Variants in C10orf67 observed in about 807,000 individuals in gnomAD.
C10orf67 encodes the protein uncharacterized protein C10orf67, mitochondrial.
C10orf67 carries 60 observed loss-of-function variants against 35.6 expected under a neutral mutation model. The ratio of observed to expected loss-of-function variants is 1.68; its 90% CI spans 1.37 to 2.09. The LOEUF (loss-of-function observed/expected upper bound fraction) is 2.09, where lower values mean the gene tolerates loss of function less well. Ranked by LOEUF, C10orf67 falls within the 30% of genes most tolerant of loss-of-function variation. The probability of loss-of-function intolerance (pLI) is 0.00; values close to 1 mark genes in which losing one functional copy is unlikely to be tolerated. For synonymous variants in C10orf67, 167 were observed against 115.8 expected (o/e 1.44, Z -2.84); for missense variants, 474 against 330.2 (o/e 1.44, Z -3.38).
intron 4 of C10orf67, chr10:23,317,714 G>T (rs1844782809): frequency 6.6e-6 from 1 of 152,022 alleles, no homozygotes; most frequent in South Asian, 2.1e-4. Context: ...AAGATTTTTG[G>T]TTACAAAATC....
intron 2 of C10orf67, among the ~76,000 whole-genome samples, chr10:23,328,675 C>T (rs944856047): frequency 2.4e-5 from 3 of 124,564 alleles, no homozygotes; most frequent in African/African-American, 1.0e-4. Context: ...CCAGATCCAA[C>T]TCAAGAGATT....
At chr10:23,336,665 C>T (rs935311194) in intron 1 of C10orf67, among the ~76,000 whole-genome samples, 3 of 152,112 alleles carry the variant, frequency 2.0e-5, no homozygotes, top group African/African-American at 7.2e-5. Context: ...CAGGTGTGGA[C>T]CATCACACCT....
At chr10:23,307,315 C>T (rs1394377332) in intron 4 of C10orf67, among the ~76,000 whole-genome samples, 1 of 152,098 alleles carries the variant, frequency 6.6e-6, no homozygotes, top group Non-Finnish European at 1.5e-5. Flanking sequence ...TATTTGGGTA[C>T]ATACAACATA....
intron 8 of C10orf67, among the ~76,000 whole-genome samples, chr10:23,281,368 CT>C (rs1843359895): frequency 6.6e-6 from 1 of 152,146 alleles, no homozygotes; most frequent in South Asian, 2.1e-4. Context: ...GTATCATATT[CT>C]TTTCAAGCAC....
intron 4 of C10orf67, among the ~76,000 whole-genome samples, chr10:23,310,941 T>A (rs1292025234): frequency 6.6e-6 from 1 of 152,104 alleles, no homozygotes; most frequent in African/African-American, 2.4e-5. Context: ...TCCTGGAATG[T>A]CCTTCAAAGA....
At chr10:23,215,853 G>A (rs968987916) in intron 15 of C10orf67, among the ~76,000 whole-genome samples, 1 of 152,148 alleles carries the variant, frequency 6.6e-6, no homozygotes, top group African/African-American at 2.4e-5. Flanking sequence ...AATGACCACA[G>A]TTATCAGCTT....
At chr10:23,335,200 AAAAAG>A (rs1845632717) in intron 1 of C10orf67, among the ~76,000 whole-genome samples, 1 of 151,950 alleles carries the variant, frequency 6.6e-6, no homozygotes, top group African/African-American at 2.4e-5. Context: ...AAAAAAAAAA[AAAAAG>A]ATGGAAATAA....
At chr10:23,320,462 G>C (rs1294097570) in intron 4 of C10orf67, among the ~76,000 whole-genome samples, 1 of 152,190 alleles carries the variant, frequency 6.6e-6, no homozygotes, top group Non-Finnish European at 1.5e-5. Flanking sequence ...TCTGACCTTA[G>C]TCTATTCAGC....
At chr10:23,336,167 A>G (rs923481552) in intron 1 of C10orf67, among the ~76,000 whole-genome samples, 1 of 152,208 alleles carries the variant, frequency 6.6e-6, no homozygotes, top group African/African-American at 2.4e-5. Context: ...TTGAATGAGT[A>G]AGTAAATGTT....
intron 4 of C10orf67, among the ~76,000 whole-genome samples, chr10:23,316,329 A>G (rs772661335): frequency 2.2e-4 from 34 of 152,218 alleles, no homozygotes; most frequent in Non-Finnish European, 3.8e-4. Context: ...AGGGGAACAC[A>G]GTGGCACCTG....
At chr10:23,308,929 C>T (rs1188406503) in intron 4 of C10orf67, among the ~76,000 whole-genome samples, 4 of 152,056 alleles carry the variant, frequency 2.6e-5, no homozygotes, top group South Asian at 2.1e-4. Context: ...ACCTTAGCAC[C>T]GGTCTCCCAC....
At chr10:23,307,289 G>C (rs1032904863) in intron 4 of C10orf67, among the ~76,000 whole-genome samples, 1 of 152,158 alleles carries the variant, frequency 6.6e-6, no homozygotes, top group African/African-American at 2.4e-5. Context: ...GATTCTTTGT[G>C]TGTTTGTTAC....
At chr10:23,243,639 A>C (rs1476603936) in intron 12 of C10orf67, among the ~76,000 whole-genome samples, 1 of 151,768 alleles carries the variant, frequency 6.6e-6, no homozygotes, top group Non-Finnish European at 1.5e-5. Context: ...GTGAGCTGAG[A>C]TCACGCCATT....
intron 1 of C10orf67, among the ~76,000 whole-genome samples, chr10:23,339,696 A>G (rs1309242574): frequency 6.6e-6 from 1 of 152,190 alleles, no homozygotes; most frequent in Non-Finnish European, 1.5e-5. Context: ...TGGAGGTCAT[A>G]GCTGCTTTTT....
intron 8 of C10orf67, among the ~76,000 whole-genome samples, chr10:23,274,167 CA>C (rs1843110991): frequency 2.0e-5 from 3 of 152,044 alleles, no homozygotes; most frequent in Non-Finnish European, 4.4e-5. Flanking sequence ...TGAAAGATCA[CA>C]AGTCAAAGGG....
chr10:23,244,403 TAAAAAGACAGCAAATAA>T (rs1353365787), intron 12 of C10orf67, among the ~76,000 whole-genome samples: 4 of 152,038 alleles, frequency 2.6e-5, no homozygotes, highest in Non-Finnish European at 5.9e-5. Context: ...TGAAATCTAG[TAAAAAGACAGCAAATAA>T]AACATTAAAA....
At chr10:23,218,411 G>A (rs546801447) in intron 15 of C10orf67, among the ~76,000 whole-genome samples, 1 of 147,490 alleles carries the variant, frequency 6.8e-6, no homozygotes, top group African/African-American at 2.5e-5. Flanking sequence ...GCCTCCCAAA[G>A]TATTGGGATT....
At chr10:23,260,629 C>G (rs1277961962) in intron 10 of C10orf67, among the ~76,000 whole-genome samples, 1 of 152,128 alleles carries the variant, frequency 6.6e-6, no homozygotes, top group Non-Finnish European at 1.5e-5. Flanking sequence ...GATTCATGGA[C>G]AGATATGAGT....
chr10:23,338,530 G>C (rs541651058), intron 1 of C10orf67, among the ~76,000 whole-genome samples: 2 of 152,094 alleles, frequency 1.3e-5, no homozygotes, highest in Non-Finnish European at 2.9e-5. Flanking sequence ...CAGAACCACC[G>C]AGCATGAACT....
Sources: allele counts gnomAD v4.1 joint callset (sites outside exome capture counted in the v4.1 genomes callset), GRCh38; gene constraint gnomAD v4.1.1; transcripts MANE v1.5; gene names NCBI Gene and HGNC (gene_info 2026-07-23, HGNC 2026-07-21).